SHISA7: variants seen among roughly 807,000 people sequenced by gnomAD.
The protein encoded by SHISA7 is protein shisa-7.
Under a neutral mutation model 23.9 loss-of-function variants are expected in SHISA7, and 6 were observed. The observed-to-expected ratio is 0.25, with a 90% CI of 0.14 to 0.50. The LOEUF is 0.50. Ranked by LOEUF, SHISA7 falls within the 20% of genes least tolerant of loss-of-function variation. The pLI, the probability that SHISA7 is intolerant of heterozygous loss-of-function variation, is 0.98. For synonymous variants in SHISA7, 386 were observed against 398.3 expected (o/e 0.97, Z 0.37); for missense variants, 671 against 801.1 (o/e 0.84, Z 1.96).
At chr19:55,439,090 C>G (rs1428880756) in intron 2 of SHISA7, among the ~76,000 whole-genome samples, 2 of 152,198 alleles carry the variant, frequency 1.3e-5, no homozygotes, top group Non-Finnish European at 2.9e-5. Context: ...CAACAGCCTT[C>G]CCATTGGCTC....
intron 3 of SHISA7, among the ~76,000 whole-genome samples, chr19:55,434,576 GGT>G (rs1241670006): frequency 3.6e-4 from 37 of 101,852 alleles, no homozygotes; most frequent in African/African-American, 9.5e-4. Flanking sequence ...GTGTGTGTAT[GGT>G]GTGTGTGTGG....
At chr19:55,436,334 A>G (rs1985458465) in intron 3 of SHISA7, among the ~76,000 whole-genome samples, 1 of 150,106 alleles carries the variant, frequency 6.7e-6, no homozygotes, top group African/African-American at 2.5e-5. Context: ...CGCCGGGCAT[A>G]GTGGCTCACG....
rs1366339753 is a variant in SHISA7 at position 55,430,927 on chromosome 19, A to T, written c.*2229T>A. 6.6e-6 allele frequency: 1 copy of T among 151,152 alleles called. No individual in the cohort carries two copies. Among genetic ancestry groups the T allele is most frequent in the East Asian group, 2.0e-4 (1 of 5,100 alleles). The allele number at this position is 151,152 out of a possible 1,614,324, so 9.4% of individuals were successfully genotyped here. A position where few individuals can be genotyped will look rare whatever the true frequency, so the allele number is the denominator to read the frequency against. On this transcript the variant is annotated 3_prime_UTR_variant, in exon 4 of 4. Coordinates refer to ENST00000376325, the MANE Select transcript of SHISA7 (RefSeq NM_001145176.2). ...TTATGGTGGATCCTAGTGGATGGTG[A>T]CAGCACTGGACCTCATGGATCACAG...
At chr19:55,441,503 T>C (rs1985597857) in intron 1 of SHISA7, among the ~76,000 whole-genome samples, 2 of 152,190 alleles carry the variant, frequency 1.3e-5, no homozygotes, top group Non-Finnish European at 2.9e-5. Context: ...TTGCACGCGG[T>C]TCCCCTGCCC....
In SHISA7 at chr19:55,442,226, G is replaced by A; in HGVS notation, c.638C>T (p.Ala213Val). 1.3e-6 allele frequency: 2 copies of A among 1,534,038 alleles called. No homozygotes were observed. The highest frequency in any genetic ancestry group is 8.7e-7 in the Non-Finnish European group (1 of 1,145,862). ...GTTGATATCCCGGTGCGCCCGGGGC[G>A]CACGGGACGCCTTGCTGAAGGCCAC... Reference protein sequence around the residue: ...AKVAFSKASRAPRAHRDINVP... With the variant: ...AKVAFSKASRVPRAHRDINVP... Residue 213 changes from alanine (A) to valine (V), a missense_variant, in exon 1 of 4, where the codon GCG becomes GTG. Around this residue, in one of 5 missense-constraint regions of SHISA7, gnomAD observed 457 missense variants for 488.3 expected, o/e 0.94. Transcript: ENST00000376325.
At chr19:55,435,658 G>C (rs1421431547) in intron 3 of SHISA7, among the ~76,000 whole-genome samples, 1 of 151,052 alleles carries the variant, frequency 6.6e-6, no homozygotes, top group African/African-American at 2.4e-5. Flanking sequence ...CAGTTACTCG[G>C]GAGGCTGACG....
chr19:55,435,803 G>A (rs1458239108), intron 3 of SHISA7, among the ~76,000 whole-genome samples: 1 of 151,274 alleles, frequency 6.6e-6, no homozygotes, highest in Non-Finnish European at 1.5e-5. Context: ...AAGTGGGGTG[G>A]AGGGAGGATA....
At chr19:55,438,430 G>A in intron 2 of SHISA7, 4 of 774,538 alleles carry the variant, frequency 5.2e-6, no homozygotes, top group Non-Finnish European at 7.5e-6. Flanking sequence ...GCCAGACCAT[G>A]AGCGCCATGA....
chr19:55,442,796 T>G lies in SHISA7; in HGVS notation c.68A>C (p.Asn23Thr). Residue 23 changes from asparagine (N) to threonine (T), a missense_variant, in exon 1 of 4, where the codon AAC (asparagine) becomes ACC (threonine). Around this residue, in one of 5 missense-constraint regions of SHISA7, gnomAD observed 96 missense variants for 113.1 expected, o/e 0.85. Transcript: ENST00000376325. ...SAGQARARPS[N>T]ATSAEPAGPL... ...GCCCGCGGGCTCGGCGCTCGTGGCGTTGGACGGGCGCGCCCTGGCCTGGCC... is the reference window on the plus strand; with the variant it reads ...GCCCGCGGGCTCGGCGCTCGTGGCGGTGGACGGGCGCGCCCTGGCCTGGCC... The G allele has an allele frequency of 7.7e-7, 1 of 1,296,770 alleles. No homozygotes were observed. The highest frequency in any genetic ancestry group is 2.2e-5 in the South Asian group (1 of 46,144). 80.3% of individuals were successfully genotyped at this position (1,296,770 alleles called of 1,614,324 possible).
Position 55,442,820 on chromosome 19 carries a change from C to A in SHISA7, c.44G>T (p.Gly15Val). The change falls in exon 1 of 4, where the codon GGC becomes GTC. Residue 15 changes from glycine to valine, a missense_variant. By Grantham distance (109) the Gly-to-Val change is moderately radical (BLOSUM62 -3). Transcript: ENST00000376325. ...LLLVLLASSA[G>V]QARARPSNAT... ...GTTGGACGGGCGCGCCCTGGCCTGGCCGGCGCTAGAGGCCAGGAGTACGAG... is the reference window on the plus strand; with the variant it reads ...GTTGGACGGGCGCGCCCTGGCCTGGACGGCGCTAGAGGCCAGGAGTACGAG... The A allele has an allele frequency of 7.2e-7, 1 of 1,385,046 alleles. No homozygotes were observed. Among genetic ancestry groups the A allele is most frequent in the Non-Finnish European group, 9.3e-7 (1 of 1,070,334 alleles). The allele number at this position is 1,385,046 out of a possible 1,614,324, so 85.8% of individuals were successfully genotyped here.
chr19:55,437,918 GAATT>G (rs1985505848), intron 2 of SHISA7, among the ~76,000 whole-genome samples, 164 bp from the exon 3 acceptor site: 1 of 147,112 alleles, frequency 6.8e-6, no homozygotes, highest in Admixed American at 6.7e-5. Context: ...TCAGACCCAG[GAATT>G]CAGGCCTCAG....
rs1985279943 is a variant in SHISA7 at position 55,433,845 on chromosome 19, A to C, written c.977-49T>G. 1.5e-6 allele frequency: 2 copies of C among 1,355,322 alleles called. No individual in the cohort carries two copies. Among genetic ancestry groups the C allele is most frequent in the Non-Finnish European group, 1.9e-6 (2 of 1,060,098 alleles). 84.0% of individuals were successfully genotyped at this position (1,355,322 alleles called of 1,614,324 possible). A position where few individuals can be genotyped will look rare whatever the true frequency, so the allele number is the denominator to read the frequency against. Reference sequence around the variant, plus strand: ...ACAGCCGTGGGTCCCCTGCGCATCTAGAGCCCTCCCCCTCCCACCTCGTCA... The same window carrying C: ...ACAGCCGTGGGTCCCCTGCGCATCTCGAGCCCTCCCCCTCCCACCTCGTCA... On this transcript the variant is annotated intron_variant, in intron 3 of 3. Coordinates refer to ENST00000376325, the MANE Select transcript of SHISA7 (RefSeq NM_001145176.2). This position sits in a 1 kb window ranked among gnomAD's most constrained non-coding sequence, Gnocchi z 8.4.
chr19:55,438,456 G>C, intron 2 of SHISA7: 1 of 1,012,914 alleles, frequency 9.9e-7, no homozygotes, highest in Non-Finnish European at 1.4e-6. Flanking sequence ...GGGCTCACAG[G>C]GGTCTCACTC....
At chr19:55,439,165 C>G (rs1324508705) in intron 2 of SHISA7, among the ~76,000 whole-genome samples, 1 of 152,212 alleles carries the variant, frequency 6.6e-6, no homozygotes, top group African/African-American at 2.4e-5. Context: ...CCTGGACCCA[C>G]TGGATGTCTG....
rs1356120043 is a variant in SHISA7 at position 55,432,864 on chromosome 19, C to A, written c.*292G>T. 3 of 381,008 alleles carry A rather than the reference C, an allele frequency of 7.9e-6. No individual in the cohort carries two copies. Among genetic ancestry groups the A allele is most frequent in the Non-Finnish European group, 1.4e-5 (3 of 211,280 alleles). The allele number at this position is 381,008 out of a possible 1,614,324, so 23.6% of individuals were successfully genotyped here. Reference sequence around the variant, plus strand: ...TTCCTCTGTGATGACCTCATGGGAACGAGGCTTTGTCCCTGTGATGACATC... The same window carrying A: ...TTCCTCTGTGATGACCTCATGGGAAAGAGGCTTTGTCCCTGTGATGACATC... On this transcript the variant is annotated 3_prime_UTR_variant, in exon 4 of 4. Coordinates refer to ENST00000376325, the MANE Select transcript of SHISA7 (RefSeq NM_001145176.2). The surrounding 1 kb of genome is among the most constrained non-coding windows in gnomAD (Gnocchi z 4.6).
At position 55,434,831 on chromosome 19, in the gene SHISA7, G is replaced by T. The variant is rs145900329; in HGVS notation, c.977-1035C>A. Among the ~76,000 whole-genome samples the T allele has an allele frequency of 1.8e-4, 14 of 78,024 alleles. 1 individual carries two copies. Among genetic ancestry groups the T allele is most frequent in the Admixed American group, 7.6e-4 (5 of 6,606 alleles). The allele number at this position is 78,024 out of a possible 152,430, so 51.2% of individuals were successfully genotyped here. ...GTGTGCATGGTGTGTATGTGTGTGTGGTGTGTGGTGTGTGTGTGCGTGTGT... is the reference window on the plus strand; with the variant it reads ...GTGTGCATGGTGTGTATGTGTGTGTTGTGTGTGGTGTGTGTGTGCGTGTGT... On this transcript the variant is annotated intron_variant, in intron 3 of 3. Transcript: ENST00000376325.
chr19:55,441,977 T>G (rs982773943), intron 1 of SHISA7, among the ~76,000 whole-genome samples: 2 of 152,238 alleles, frequency 1.3e-5, no homozygotes, highest in African/African-American at 4.8e-5. Flanking sequence ...AATGAGAGTC[T>G]GGGCTTCTCC....
At chr19:55,436,190 G>A (rs189353716) in intron 3 of SHISA7, among the ~76,000 whole-genome samples, 215 of 151,682 alleles carry the variant, frequency 1.4e-3, no homozygotes, top group African/African-American at 4.7e-3. Context: ...TGGAGACTGA[G>A]GCAGGAGAAT....
At chr19:55,439,610 T>A (rs1985548191) in intron 2 of SHISA7, among the ~76,000 whole-genome samples, 1 of 152,214 alleles carries the variant, frequency 6.6e-6, no homozygotes, top group African/African-American at 2.4e-5. Context: ...TCAAGTCTGG[T>A]CACCTCACAA....
Sources: allele counts gnomAD v4.1 joint callset (sites outside exome capture counted in the v4.1 genomes callset), GRCh38; gene constraint gnomAD v4.1.1; regional missense constraint gnomAD v4.1.1; non-coding constraint Gnocchi (gnomAD v3.1); transcripts MANE v1.5; gene names NCBI Gene and HGNC (gene_info 2026-07-23, HGNC 2026-07-21).